The following CABP7 variants were observed in gnomAD, a reference collection of about 807,000 sequenced individuals.
CABP7 encodes the protein calcium binding protein 7.
Under a neutral mutation model 23.1 loss-of-function variants are expected in CABP7, and 13 were observed. The ratio of observed to expected loss-of-function variants is 0.56; its 90% confidence interval spans 0.37 to 0.90. The LOEUF (loss-of-function observed/expected upper bound fraction) is 0.90. Ranked by LOEUF, CABP7 falls within the 40% of genes least tolerant of loss-of-function variation. The pLI, the probability that CABP7 is intolerant of heterozygous loss-of-function variation, is 0.01. For synonymous variants in CABP7, 123 were observed against 115.3 expected (o/e 1.07, Z -0.43); for missense variants, 248 against 295.6 (o/e 0.84, Z 1.18).
rs949813942 is a variant in CABP7 at position 29,720,351 on chromosome 22, C to G, written c.-74C>G. 1 of 866,892 alleles carries G rather than the reference C, an allele frequency of 1.2e-6. No homozygotes were observed. The highest frequency in any genetic ancestry group is 1.5e-6 in the Non-Finnish European group (1 of 661,598). 53.7% of individuals were successfully genotyped at this position (866,892 alleles called of 1,614,324 possible). A position where few individuals can be genotyped will look rare whatever the true frequency, so the allele number is the denominator to read the frequency against. ...CGCGCGCCCCGCCCGCTCCAGCCGCCCCCGGGGCCGCCACCGGCCCATGAG... is the reference window on the plus strand; with the variant it reads ...CGCGCGCCCCGCCCGCTCCAGCCGCGCCCGGGGCCGCCACCGGCCCATGAG... On this transcript the variant is annotated 5_prime_UTR_variant, in exon 1 of 5. Coordinates refer to ENST00000216144, the MANE Select transcript of CABP7 (RefSeq NM_182527.3). The surrounding 1 kb of genome is among the most constrained non-coding windows in gnomAD (Gnocchi z 5.2).
rs61093693 is a variant in CABP7 at position 29,725,511 on chromosome 22, A to G, written c.110-2151A>G. 2.3e-3 allele frequency among the ~76,000 whole-genome samples: 347 copies of G among 152,314 alleles called. 1 individual carries two copies. Among genetic ancestry groups the G allele is most frequent in the African/African-American group, 8.0e-3 (334 of 41,576 alleles). On this transcript the variant is annotated intron_variant, in intron 1 of 4. Coordinates refer to ENST00000216144, the MANE Select transcript of CABP7 (RefSeq NM_182527.3). ...AGGCAACAGGGACACAGCCACGAAC[A>G]AGACCAGCCCCTCCCTGCTGTCATG...
Position 29,727,033 on chromosome 22 carries a change from C to A in CABP7, c.110-629C>A, listed in dbSNP as rs2067799925. ...ACCGAGGTCATCAGGCCTCGGTCTT[C>A]TGCTCCGTACAGTGTGGAGGGCGAC... On this transcript the variant is annotated intron_variant, in intron 1 of 4. Coordinates refer to ENST00000216144, the MANE Select transcript of CABP7 (RefSeq NM_182527.3). The surrounding 1 kb of genome is among the most constrained non-coding windows in gnomAD (Gnocchi z 4.2). Among the ~76,000 whole-genome samples, 1 of 152,186 alleles carries A rather than the reference C, an allele frequency of 6.6e-6. No individual in the cohort carries two copies. Among genetic ancestry groups the A allele is most frequent in the Admixed American group, 6.5e-5 (1 of 15,274 alleles).
At chr22:29,729,294 G>A (rs1021100741) in intron 4 of CABP7, 86 bp downstream of exon 4, 20 of 1,579,242 alleles carry the variant, frequency 1.3e-5, no homozygotes, top group African/African-American at 2.7e-5. Flanking sequence ...TGCAGAGGGG[G>A]GCTGGGGGCC....
intron 1 of CABP7, among the ~76,000 whole-genome samples, chr22:29,726,526 C>T (rs965185158): frequency 1.3e-5 from 2 of 152,248 alleles, no homozygotes; most frequent in South Asian, 2.1e-4. Flanking sequence ...CTGGGCCGGC[C>T]GCTGGGGCTC....
At position 29,727,081 on chromosome 22, in the gene CABP7, C is replaced by A. The variant is rs1290298348; in HGVS notation, c.110-581C>A. On this transcript the variant is annotated intron_variant, in intron 1 of 4. Transcript: ENST00000216144. The surrounding 1 kb of genome is among the most constrained non-coding windows in gnomAD (Gnocchi z 4.2). ...GACCCCCCACCCAGTCTGGTCTGGC[C>A]TGGACCTGGAGGGGGGCTCCTTCCC... Among the ~76,000 whole-genome samples the A allele has an allele frequency of 6.6e-6, 1 of 152,204 alleles. No homozygotes were observed. The highest frequency in any genetic ancestry group is 1.5e-5 in the Non-Finnish European group (1 of 68,034).
Position 29,729,548 on chromosome 22 carries a change from G to A in CABP7, c.627G>A (p.Val209=), listed in dbSNP as rs760568088. 17 of 1,611,456 alleles carry A rather than the reference G, an allele frequency of 1.1e-5. No individual in the cohort carries two copies. The highest frequency in any genetic ancestry group is 1.4e-5 in the Non-Finnish European group (16 of 1,179,952). Residue 209 remains valine (V), a synonymous_variant, in exon 5 of 5, where the codon GTG becomes GTA. Transcript: ENST00000216144. ...TCATGCTCATTGCGGCCAACCAGGT[G>A]CTGCGCAGTGGCATGAAGTAGACGC... ...ISVMLIAANQ[V]LRSGMK
intron 3 of CABP7, 92 bp downstream of exon 3, chr22:29,728,834 G>T (rs1450557618): frequency 1.8e-6 from 2 of 1,085,610 alleles, no homozygotes; most frequent in South Asian, 1.3e-5. Flanking sequence ...TGTAAAGGGG[G>T]GATGACCACT....
At chr22:29,723,154 G>A (rs892183195) in intron 1 of CABP7, among the ~76,000 whole-genome samples, 1 of 152,194 alleles carries the variant, frequency 6.6e-6, no homozygotes, top group African/African-American at 2.4e-5. Flanking sequence ...AGAGGCTGGA[G>A]CGTGCAGGGC....
rs1288948115 is a variant in CABP7, at chr22:29,729,827, C to T, written c.*258C>T. The T allele has an allele frequency of 3.8e-6, 2 of 528,292 alleles. No individual in the cohort carries two copies. The highest frequency in any genetic ancestry group is 2.4e-5 in the South Asian group (1 of 41,450). The allele number at this position is 528,292 out of a possible 1,614,324, so 32.7% of individuals were successfully genotyped here. A position where few individuals can be genotyped will look rare whatever the true frequency, so the allele number is the denominator to read the frequency against. On this transcript the variant is annotated 3_prime_UTR_variant, in exon 5 of 5. Transcript: ENST00000216144. ...CCCACCCTGGCCTGTAAGGAGCACTCACTCTTCCTACCATCCAGGGGCTCC... is the reference window on the plus strand; with the variant it reads ...CCCACCCTGGCCTGTAAGGAGCACTTACTCTTCCTACCATCCAGGGGCTCC...
Position 29,730,244 on chromosome 22 carries a change from C to T in CABP7, c.*675C>T, listed in dbSNP as rs1370742999. ...GCCCCGAGACTTGGCCTCAGTTCTT[C>T]CTTCCACAGGGATTTTCAGGAAAGG... is the stretch of plus-strand genomic sequence containing the variant. On this transcript the variant is annotated 3_prime_UTR_variant, in exon 5 of 5. Coordinates refer to ENST00000216144, the MANE Select transcript of CABP7 (RefSeq NM_182527.3). 1 of 152,806 alleles carries T rather than the reference C, an allele frequency of 6.5e-6. No individual in the cohort carries two copies. The highest frequency in any genetic ancestry group is 2.4e-5 in the African/African-American group (1 of 41,454). 9.5% of individuals were successfully genotyped at this position (152,806 alleles called of 1,614,324 possible).
intron 3 of CABP7, 107 bp from the exon 4 acceptor site, chr22:29,728,948 T>C (rs1388453794): frequency 1.4e-6 from 2 of 1,428,908 alleles, no homozygotes; most frequent in Non-Finnish European, 1.9e-6. Flanking sequence ...GCAAGTGTTT[T>C]CCAGCCCCCC....
chr22:29,725,930 T>G (rs1254459884), intron 1 of CABP7, among the ~76,000 whole-genome samples: 1 of 152,012 alleles, frequency 6.6e-6, no homozygotes, highest in East Asian at 1.9e-4. Flanking sequence ...GGGACCGGAA[T>G]CCCCTCAGCA....
rs949856866 is a variant in CABP7 at position 29,720,598 on chromosome 22, G to A, written c.109+65G>A. On this transcript the variant is annotated intron_variant, in intron 1 of 4. Coordinates refer to ENST00000216144, the MANE Select transcript of CABP7 (RefSeq NM_182527.3). This position sits in a 1 kb window ranked among gnomAD's most constrained non-coding sequence, Gnocchi z 5.2. ...ACCTGTGCGCCCAGGTGAAGCGCGG[G>A]CCAGGGGCGCGGGGGCGGGGGGCGG... is the stretch of plus-strand genomic sequence containing the variant. The A allele has an allele frequency of 2.1e-5, 23 of 1,085,768 alleles. No homozygotes were observed. The South Asian group carries it at 3.3e-4, about 15-fold the overall frequency. 67.3% of individuals were successfully genotyped at this position (1,085,768 alleles called of 1,614,324 possible).
intron 1 of CABP7, among the ~76,000 whole-genome samples, chr22:29,726,305 G>A (rs144127864): frequency 0.013 from 2,023 of 152,256 alleles, 51 homozygotes; most frequent in African/African-American, 0.046. Flanking sequence ...AAGCCACCTC[G>A]AAGTGTGGCC....
chr22:29,726,094 C>T (rs1457573566), intron 1 of CABP7, among the ~76,000 whole-genome samples: 5 of 152,180 alleles, frequency 3.3e-5, no homozygotes, highest in Non-Finnish European at 5.9e-5. Flanking sequence ...CAGACCTCCC[C>T]GCCCAGATGC....
Position 29,720,193 on chromosome 22 carries a change from T to A in CABP7, c.-232T>A, listed in dbSNP as rs1311874934. 3 of 145,236 alleles carry A rather than the reference T, an allele frequency of 2.1e-5. No homozygotes were observed. Among genetic ancestry groups the A allele is most frequent in the Non-Finnish European group, 4.6e-5 (3 of 65,606 alleles). The allele number at this position is 145,236 out of a possible 1,614,324, so 9.0% of individuals were successfully genotyped here. A position where few individuals can be genotyped will look rare whatever the true frequency, so the allele number is the denominator to read the frequency against. On this transcript the variant is annotated 5_prime_UTR_variant, in exon 1 of 5. Transcript: ENST00000216144. The surrounding 1 kb of genome is among the most constrained non-coding windows in gnomAD (Gnocchi z 5.2). ...AAGGCCAGAGCGGCGCCGCCCCCGC[T>A]GCCCCTGCGGGGCCCCGGCTGGGAG...
chr22:29,726,235 C>A (rs1005792616), intron 1 of CABP7, among the ~76,000 whole-genome samples: 7 of 152,144 alleles, frequency 4.6e-5, no homozygotes, highest in African/African-American at 1.7e-4. Context: ...CCTGTCTGAC[C>A]CTCAGGCCTT....
chr22:29,729,806 CCCTGG>C lies in CABP7; in HGVS notation c.*242_*246del, dbSNP rs1230811138. 1 of 575,666 alleles carries C rather than the reference CCCTGG, an allele frequency of 1.7e-6. No homozygotes were observed. The highest frequency in any genetic ancestry group is 3.2e-5 in the Admixed American group (1 of 31,398). 35.7% of individuals were successfully genotyped at this position (575,666 alleles called of 1,614,324 possible). A position where few individuals can be genotyped will look rare whatever the true frequency, so the allele number is the denominator to read the frequency against. On this transcript the variant is annotated 3_prime_UTR_variant, in exon 5 of 5. Transcript: ENST00000216144. ...GGTCCCCAGCCCCACCCTGTCCCCACCCTGGCCTGTAAGGAGCACTCACTCTTCCT... is the reference window on the plus strand; with the variant it reads ...GGTCCCCAGCCCCACCCTGTCCCCACCCTGTAAGGAGCACTCACTCTTCCT...
Position 29,727,831 on chromosome 22 carries a change from C to A in CABP7, c.253+26C>A, listed in dbSNP as rs2067807463. 8.1e-6 allele frequency: 13 copies of A among 1,595,768 alleles called. No individual in the cohort carries two copies. The highest frequency in any genetic ancestry group is 1.1e-5 in the Non-Finnish European group (13 of 1,169,338). ...GTGAGCACCCCCCCGCCTCGGTTTC[C>A]CCACCTGGCATCTGGGCCCTGGGGG... On this transcript the variant is annotated intron_variant, in intron 2 of 4. Coordinates refer to ENST00000216144, the MANE Select transcript of CABP7 (RefSeq NM_182527.3). The surrounding 1 kb of genome is among the most constrained non-coding windows in gnomAD (Gnocchi z 4.2).
Sources: allele counts gnomAD v4.1 joint callset (sites outside exome capture counted in the v4.1 genomes callset), GRCh38; gene constraint gnomAD v4.1.1; non-coding constraint Gnocchi (gnomAD v3.1); transcripts MANE v1.5; gene names NCBI Gene and HGNC (gene_info 2026-07-23, HGNC 2026-07-21).